The following DNAH3 variants were observed in gnomAD, a reference collection of about 807,000 sequenced individuals.
DNAH3 encodes dynein axonemal heavy chain 3.
A neutral mutation model predicts 432.5 loss-of-function variants in DNAH3; 332 were observed. The observed-to-expected ratio is 0.77, with a 90% CI of 0.70 to 0.84. The LOEUF (loss-of-function observed/expected upper bound fraction) is 0.84. Among genes scored for constraint, DNAH3 ranks in the 40% least tolerant of loss-of-function variants. The pLI, the probability that DNAH3 is intolerant of heterozygous loss-of-function variation, is 0.00. For missense variants in DNAH3, 4,861 were observed against 5,114.0 expected (o/e 0.95, Z 1.51); for synonymous variants, 1,956 against 1,900.2 (o/e 1.03, Z -0.76).
Position 20,957,808 on chromosome 16 carries a change from CAAAAAAAAAAAAAAAAAAAAAAAAA to C in DNAH3, c.10826+1346_10826+1370del, listed in dbSNP as rs762197650. On this transcript the variant is annotated intron_variant, in intron 54 of 61. Transcript: ENST00000261383. ...GGCAATAAGAGCGAAACTCCATCTC[CAAAAAAAAAAAAAAAAAAAAAAAAA>C]AAAAAAAAAAAAAAAAGAGAATCCC... is the stretch of plus-strand genomic sequence containing the variant. 1.4e-3 allele frequency among the ~76,000 whole-genome samples: 72 copies of C among 53,292 alleles called. 2 individuals carry two copies. Among genetic ancestry groups the C allele is most frequent in the East Asian group, 8.5e-3 (18 of 2,112 alleles). The allele number at this position is 53,292 out of a possible 152,430, so 35.0% of individuals were successfully genotyped here.
At chr16:21,002,379 T>C (rs1175235540) in intron 42 of DNAH3, among the ~76,000 whole-genome samples, 1 of 152,122 alleles carries the variant, frequency 6.6e-6, no homozygotes, top group Non-Finnish European at 1.5e-5. Flanking sequence ...AATCTTTCTC[T>C]GAGGATTCAA....
intron 1 of DNAH3, among the ~76,000 whole-genome samples, chr16:21,154,015 G>A (rs1192348895): frequency 1.3e-5 from 2 of 152,204 alleles, no homozygotes; most frequent in East Asian, 3.8e-4. Flanking sequence ...GGAGACTCTG[G>A]TTTAGACGGA....
chr16:21,074,340 G>A (rs2090899675), intron 21 of DNAH3, among the ~76,000 whole-genome samples: 1 of 152,154 alleles, frequency 6.6e-6, no homozygotes. Context: ...TGGGAGGGGA[G>A]GAGCCAGGAA....
At chr16:20,993,535 ACT>A (rs2086642599) in intron 44 of DNAH3, among the ~76,000 whole-genome samples, 1 of 151,966 alleles carries the variant, frequency 6.6e-6, no homozygotes, top group African/African-American at 2.4e-5. Flanking sequence ...AAAATCCTCA[ACT>A]CTCATTTTAT....
At chr16:21,135,291 C>A (rs996620881) in intron 6 of DNAH3, among the ~76,000 whole-genome samples, 3 of 152,106 alleles carry the variant, frequency 2.0e-5, no homozygotes, top group Non-Finnish European at 2.9e-5. Context: ...TGGATGATAC[C>A]ATCCATTATA....
intron 41 of DNAH3, among the ~76,000 whole-genome samples, chr16:21,005,278 CTT>C (rs1232004856): frequency 2.8e-5 from 4 of 143,322 alleles, no homozygotes; most frequent in African/African-American, 1.0e-4. Context: ...TTCTTTCTTT[CTT>C]TCCTTCCTTG....
At chr16:21,155,304 TTCAG>T (rs2092890711) in intron 1 of DNAH3, among the ~76,000 whole-genome samples, 1 of 151,976 alleles carries the variant, frequency 6.6e-6, no homozygotes, top group Non-Finnish European at 1.5e-5. Context: ...AAATTAGAGT[TTCAG>T]TCAAACAATT....
At chr16:21,128,865 GAA>G (rs766015503) in intron 7 of DNAH3, among the ~76,000 whole-genome samples, 11 of 55,802 alleles carry the variant, frequency 2.0e-4, no homozygotes, top group East Asian at 5.3e-4. Flanking sequence ...TCTCTACAAA[GAA>G]AAAAAAAAAA....
chr16:21,006,752 CT>C (rs767858018), intron 41 of DNAH3, among the ~76,000 whole-genome samples: 70 of 152,308 alleles, frequency 4.6e-4, no homozygotes, highest in Non-Finnish European at 7.4e-4. Context: ...GTGGCACAAT[CT>C]TGCTCATTGC....
At chr16:21,134,163 G>T in intron 7 of DNAH3, 96 bp downstream of exon 8, 1 of 1,232,652 alleles carries the variant, frequency 8.1e-7, no homozygotes, top group Non-Finnish European at 1.1e-6. Flanking sequence ...TCTCTATGCT[G>T]TCAGGGCTAC....
intron 61 of DNAH3, among the ~76,000 whole-genome samples, chr16:20,934,694 T>C (rs2083525722): frequency 6.6e-6 from 1 of 152,220 alleles, no homozygotes; most frequent in Non-Finnish European, 1.5e-5. Flanking sequence ...TCACTTCGGA[T>C]TTCTAGGTAT....
chr16:20,973,624 GA>G (rs2152643457), intron 51 of DNAH3, among the ~76,000 whole-genome samples: 1 of 152,292 alleles, frequency 6.6e-6, no homozygotes, highest in African/African-American at 2.4e-5. Context: ...AGTGCTTTGT[GA>G]AATATACAAC....
chr16:21,067,482 G>A (rs2090596531), intron 23 of DNAH3, 63 bp from the exon 24 acceptor site: 1 of 1,573,402 alleles, frequency 6.4e-7, no homozygotes, highest in South Asian at 1.1e-5. Context: ...ATTGGTCATT[G>A]TATTGAATGT....
At chr16:21,111,959 A>G in intron 13 of DNAH3, 34 bp downstream of exon 13, 1 of 1,578,912 alleles carries the variant, frequency 6.3e-7, no homozygotes. Flanking sequence ...AGCACATGTC[A>G]CCAAGGTATA....
At chr16:21,065,468 C>A (rs889310667) in intron 24 of DNAH3, among the ~76,000 whole-genome samples, 2 of 151,968 alleles carry the variant, frequency 1.3e-5, no homozygotes, top group Non-Finnish European at 2.9e-5. Flanking sequence ...GTCTATTATT[C>A]ATATTTTAAT....
chr16:21,158,492 A>G (rs2152839066), intron 1 of DNAH3: 1 of 152,548 alleles, frequency 6.6e-6, no homozygotes, highest in East Asian at 1.9e-4. Flanking sequence ...AGTGGCTCCG[A>G]AAGCCAGTGG....
At chr16:21,119,015 T>C (rs570353579) in intron 11 of DNAH3, among the ~76,000 whole-genome samples, 18 of 152,254 alleles carry the variant, frequency 1.2e-4, no homozygotes, top group African/African-American at 4.1e-4. Context: ...GAAAATCAAG[T>C]GCAAATGATC....
chr16:21,058,291 A>C, intron 26 of DNAH3, 95 bp from the exon 27 acceptor site: 2 of 664,514 alleles, frequency 3.0e-6, no homozygotes, highest in Middle Eastern at 3.1e-4. Flanking sequence ...CCACCGCAAC[A>C]AAAACAAAAT....
intron 21 of DNAH3, among the ~76,000 whole-genome samples, chr16:21,071,644 T>C (rs7189416): frequency 0.22 from 33,270 of 151,862 alleles, 3,865 homozygotes; most frequent in East Asian, 0.46. Context: ...TCCCAGCACT[T>C]TGGGAGGCTG....
Sources: gnomAD v4.1 joint callset for allele counts (sites outside exome capture counted in the v4.1 genomes callset) on GRCh38, gnomAD v4.1.1 for gene constraint, MANE v1.5 for transcripts, NCBI Gene and HGNC (gene_info 2026-07-23, HGNC 2026-07-21) for gene names.